The following TFIP11 variants were observed in gnomAD, a reference collection of about 807,000 sequenced individuals.
TFIP11 encodes the protein tuftelin-interacting protein 11.
Under a neutral mutation model 96.8 loss-of-function variants are expected in TFIP11, and 86 were observed. The observed-to-expected ratio is 0.89, with a 90% CI of 0.75 to 1.06. TFIP11 has a LOEUF of 1.06. Among genes scored for constraint, TFIP11 ranks in the 50% least tolerant of loss-of-function variants. The probability of loss-of-function intolerance (pLI) is 0.00; values close to 1 mark genes in which losing one functional copy is unlikely to be tolerated. For missense variants in TFIP11, 881 were observed against 1,076.7 expected (o/e 0.82, Z 2.54); for synonymous variants, 405 against 395.2 (o/e 1.02, Z -0.29).
At chr22:26,511,235 A>G (rs134141) in intron 2 of TFIP11, 99,711 of 152,142 alleles carry the variant, frequency 0.66, 32,985 homozygotes, top group African/African-American at 0.73. Context: ...CATCCAGCAC[A>G]GGAGAAAGAT....
chr22:26,498,420 G>A (rs1922329537), intron 10 of TFIP11, among the ~76,000 whole-genome samples: 1 of 152,032 alleles, frequency 6.6e-6, no homozygotes, highest in Non-Finnish European at 1.5e-5. Flanking sequence ...GCGTGTGCCT[G>A]TGATCCCAGC....
Position 26,496,257 on chromosome 22 carries a change from C to G in TFIP11, c.1665G>C (p.Trp555Cys), listed in dbSNP as rs370484334. 6.2e-7 allele frequency: 1 copy of G among 1,613,308 alleles called. No individual in the cohort carries two copies. The highest frequency in any genetic ancestry group is 8.5e-7 in the Non-Finnish European group (1 of 1,179,676). The stretch of plus-strand genomic sequence containing the variant: ...CCAGCCGTGCCTGCATAAGGGGCAG[C>G]CATGGGTGGATCCAAGAGTGGATGG... ...TVPIHSWIHP[W>C]LPLMQARLEP... is the part of the protein sequence containing the mutation. The change falls in exon 12 of 15, where the codon TGG becomes TGC. Residue 555 changes from tryptophan (W) to cysteine (C), a missense_variant. Transcript: ENST00000407690.
chr22:26,497,126 C>A (rs936308530), intron 10 of TFIP11, among the ~76,000 whole-genome samples: 4 of 152,188 alleles, frequency 2.6e-5, no homozygotes, highest in Middle Eastern at 3.2e-3. Flanking sequence ...ATCCACCTGG[C>A]AGAGCTGCTT....
chr22:26,499,635 G>A lies in TFIP11; in HGVS notation c.802-4C>T. 6.2e-7 allele frequency: 1 copy of A among 1,602,758 alleles called. No individual in the cohort carries two copies. The highest frequency in any genetic ancestry group is 2.2e-5 in the East Asian group (1 of 44,772). On this transcript the variant is annotated splice_region_variant and splice_polypyrimidine_tract_variant and intron_variant, in intron 8 of 14. Transcript: ENST00000407690. ...CCCGGCCTGTCATGTCTATGACCTT[G>A]GAAAACATAGAGGGATGAAGGTTAA...
At chr22:26,506,534 A>C (rs1049023085) in intron 5 of TFIP11, 75 bp from the exon 6 acceptor site, 3 of 1,527,360 alleles carry the variant, frequency 2.0e-6, no homozygotes, top group African/African-American at 1.4e-5. Flanking sequence ...CTTGGCCAAC[A>C]GGAAAATGGC....
intron 12 of TFIP11, 36 bp from the exon 13 acceptor site, chr22:26,494,975 A>G (rs1447834243): frequency 6.8e-6 from 11 of 1,611,440 alleles, no homozygotes; most frequent in Non-Finnish European, 9.3e-6. Flanking sequence ...GCACAGCTTT[A>G]GTACTGGCAA....
intron 2 of TFIP11, chr22:26,511,284 T>C (rs908309829): frequency 2.0e-5 from 3 of 152,212 alleles, no homozygotes; most frequent in Non-Finnish European, 2.9e-5. Flanking sequence ...TTTTCACATT[T>C]TTCTGCCTGC....
Position 26,506,458 on chromosome 22 carries a change from C to G in TFIP11, c.365G>C (p.Gly122Ala). The G allele has an allele frequency of 6.3e-7, 1 of 1,590,634 alleles. No homozygotes were observed. Among genetic ancestry groups the G allele is most frequent in the Non-Finnish European group, 8.5e-7 (1 of 1,173,896 alleles). ...TTTCTGGCTGGGCTTAAAATTGCCA[C>G]CCTGCAAAAAAGAAAAATCAAAGCT... ...KDFGPRKLKT[G>A]GNFKPSQKGF... Residue 122 changes from glycine to alanine, a missense_variant and splice_region_variant, in exon 6 of 15, where the codon GGT becomes GCT. Physicochemically the swap from Gly to Ala is moderately conservative, Grantham distance 60. Transcript: ENST00000407690.
intron 4 of TFIP11, among the ~76,000 whole-genome samples, chr22:26,508,198 G>A (rs1923652522): frequency 6.6e-6 from 1 of 152,188 alleles, no homozygotes; most frequent in South Asian, 2.1e-4. Context: ...GGCAACAACA[G>A]AATTTAGGGA....
chr22:26,504,901 C>A lies in TFIP11; in HGVS notation c.521-1108G>T, dbSNP rs554721543. Among the ~76,000 whole-genome samples, 52 of 152,172 alleles carry A rather than the reference C, an allele frequency of 3.4e-4. No homozygotes were observed. The South Asian group carries it at 5.0e-3, about 15-fold the overall frequency. On this transcript the variant is annotated intron_variant, in intron 6 of 14. Coordinates refer to ENST00000407690, the MANE Select transcript of TFIP11 (RefSeq NM_012143.4). ...GACCAGCCTGGCCAACACAGTAAAA[C>A]CCTGTCTCTACCAAAAATACAAAAA...
chr22:26,496,721 C>T lies in TFIP11; in HGVS notation c.1605G>A (p.Glu535=). 2 of 1,613,672 alleles carry T rather than the reference C, an allele frequency of 1.2e-6. No homozygotes were observed. The highest frequency in any genetic ancestry group is 1.1e-5 in the South Asian group (1 of 91,062). The stretch of plus-strand genomic sequence containing the variant: ...CTGTTTCCCATGACTCTCATCCCAC[C>T]TCCTTTTGCAGCTTGGGGAAGATGA... ...DQLIFPKLQK[E]VENWNPLTDT... Residue 535 remains glutamate (E), a splice_region_variant and synonymous_variant, in exon 11 of 15, where the codon GAG becomes GAA. Transcript: ENST00000407690.
At chr22:26,492,417 TG>T in intron 14 of TFIP11, 49 bp from the exon 15 acceptor site, 1 of 1,569,462 alleles carries the variant, frequency 6.4e-7, no homozygotes, top group Non-Finnish European at 8.7e-7. Context: ...TCCAGGTGTA[TG>T]GAAGTTGACA....
chr22:26,501,784 CCAA>C (rs1922817555), intron 8 of TFIP11, 113 bp downstream of exon 8: 1 of 613,250 alleles, frequency 1.6e-6, no homozygotes, highest in Non-Finnish European at 2.4e-6. Context: ...AAGCAAGGTA[CCAA>C]AAAAAAAAAA....
chr22:26,493,123 G>A (rs1018077820), intron 14 of TFIP11: 8 of 151,970 alleles, frequency 5.3e-5, no homozygotes, highest in African/African-American at 1.9e-4. Context: ...TGCCTCCCAG[G>A]TTTAAGCGAT....
chr22:26,493,471 C>G (rs1463957543), intron 14 of TFIP11: 1 of 152,416 alleles, frequency 6.6e-6, no homozygotes, highest in African/African-American at 2.4e-5. Context: ...CATTTCAATG[C>G]TGCGAATCGG....
chr22:26,495,314 T>C (rs1921808921), intron 12 of TFIP11, among the ~76,000 whole-genome samples: 1 of 123,288 alleles, frequency 8.1e-6, no homozygotes, highest in Admixed American at 1.0e-4. Context: ...AGGGTCTCAC[T>C]GTTGCCCAGG....
chr22:26,494,990 AAAG>A, intron 12 of TFIP11, 51 bp from the exon 13 acceptor site: 1 of 1,605,888 alleles, frequency 6.2e-7, no homozygotes, highest in Non-Finnish European at 8.5e-7. Context: ...TGGCAAAGCC[AAAG>A]AAGCACAAAG....
At position 26,506,624 on chromosome 22, in the gene TFIP11, C is replaced by T; in HGVS notation, c.363+151G>A. ...ACGTGTCAGGAAGGAAGAGACTGCA[C>T]TACACACTTCACAACTCACAGAAAC... On this transcript the variant is annotated intron_variant, in intron 5 of 14. Coordinates refer to ENST00000407690, the MANE Select transcript of TFIP11 (RefSeq NM_012143.4). 3.1e-6 allele frequency: 4 copies of T among 1,292,986 alleles called. No homozygotes were observed. In the South Asian group the frequency reaches 4.2e-5, roughly 14 times the overall value. The allele number at this position is 1,292,986 out of a possible 1,614,324, so 80.1% of individuals were successfully genotyped here.
intron 10 of TFIP11, among the ~76,000 whole-genome samples, chr22:26,498,297 T>C (rs5761565): frequency 0.94 from 143,005 of 152,306 alleles, 67,177 homozygotes; most frequent in Middle Eastern, 0.95. Context: ...AATCCCAGCA[T>C]TTTTTTGGAG....
Sources: allele counts gnomAD v4.1 joint callset (sites outside exome capture counted in the v4.1 genomes callset), GRCh38; gene constraint gnomAD v4.1.1; transcripts MANE v1.5; gene names NCBI Gene and HGNC (gene_info 2026-07-23, HGNC 2026-07-21).